Variants in NBAS observed in about 807,000 individuals in gnomAD.
The protein encoded by NBAS is NBAS subunit of NRZ tethering complex, also known as NAG/BC035112 fusion.
A neutral mutation model predicts 302.5 loss-of-function variants in NBAS; 219 were observed. The ratio of observed to expected loss-of-function variants is 0.72; its 90% CI spans 0.65 to 0.81. The LOEUF is 0.81. Ranked by LOEUF, NBAS falls within the 30% of genes least tolerant of loss-of-function variation. The pLI is 0.00. For synonymous variants in NBAS, 1,118 were observed against 1,021.6 expected (o/e 1.09, Z -1.80); for missense variants, 2,932 against 2,841.6 (o/e 1.03, Z -0.72).
At chr2:15,232,873 T>A (rs62121522) in intron 46 of NBAS, among the ~76,000 whole-genome samples, 8 of 146,596 alleles carry the variant, frequency 5.5e-5, no homozygotes, top group South Asian at 2.2e-4. Context: ...TTTTTTTTTT[T>A]AAAAGCACTA....
chr2:15,524,321 G>A (rs1662817974), intron 9 of NBAS, among the ~76,000 whole-genome samples: 1 of 152,170 alleles, frequency 6.6e-6, no homozygotes, highest in Non-Finnish European at 1.5e-5. Flanking sequence ...GTTCCTAACT[G>A]TGCTATGGGG....
At chr2:14,872,476 C>T in the NBAS span, among the ~76,000 whole-genome samples, 2 of 152,140 alleles carry the variant, frequency 1.3e-5, no homozygotes, top group African/African-American at 4.8e-5. Flanking sequence ...CCTCAGCCTC[C>T]CTAATGCGTC....
the NBAS span, among the ~76,000 whole-genome samples, chr2:15,097,664 T>C: frequency 3.3e-5 from 5 of 151,372 alleles, no homozygotes; most frequent in African/African-American, 1.2e-4. Context: ...CTGGGGCCCC[T>C]TTTATGAGGA....
chr2:15,488,870 C>T, intron 12 of NBAS, 24 bp downstream of exon 12: 1 of 1,612,862 alleles, frequency 6.2e-7, no homozygotes, highest in Non-Finnish European at 8.5e-7. Flanking sequence ...AAGAGAGTAT[C>T]ATTCTAATAA....
chr2:14,799,926 T>C, the NBAS span, among the ~76,000 whole-genome samples: 1 of 152,216 alleles, frequency 6.6e-6, no homozygotes, highest in Non-Finnish European at 1.5e-5. Context: ...CATTGTTTTG[T>C]GTTTAACCTA....
chr2:14,842,110 G>C, the NBAS span, among the ~76,000 whole-genome samples: 2 of 151,730 alleles, frequency 1.3e-5, no homozygotes, highest in Non-Finnish European at 2.9e-5. Flanking sequence ...TAAATTAAGA[G>C]GGAAATTTTC....
rs567713848 is a variant in NBAS at position 15,293,410 on chromosome 2, A to T, written c.4798-644T>A. The stretch of plus-strand genomic sequence containing the variant: ...TCTACGATTCTTAGCAGCTTCTCTA[A>T]TAACAAGAAACTCATTCAAATAGAA... On this transcript the variant is annotated intron_variant, in intron 40 of 51. Coordinates refer to ENST00000281513, the MANE Select transcript of NBAS (RefSeq NM_015909.4). Among the ~76,000 whole-genome samples, 639 of 152,292 alleles carry T rather than the reference A, an allele frequency of 4.2e-3. 7 individuals are homozygous for T. The highest frequency in any genetic ancestry group is 0.014 in the African/African-American group (578 of 41,562).
intron 49 of NBAS, among the ~76,000 whole-genome samples, chr2:15,189,183 A>G (rs1665226455): frequency 6.6e-6 from 1 of 152,200 alleles, no homozygotes; most frequent in Non-Finnish European, 1.5e-5. Flanking sequence ...CCTGTTCTTA[A>G]AAACAAGTCA....
the NBAS span, among the ~76,000 whole-genome samples, chr2:15,138,378 C>G: frequency 6.6e-6 from 1 of 152,068 alleles, no homozygotes; most frequent in Non-Finnish European, 1.5e-5. Flanking sequence ...GGTTATGATG[C>G]TTGGAACGGA....
Position 15,274,946 on chromosome 2 carries a change from G to T in NBAS, c.5724+538C>A, listed in dbSNP as rs373678294. ...CACCCAGGTAATTTTTTTTTTTTTG[G>T]TTTTTTTTTTTCTTCTAGTAGAGAT... is the stretch of plus-strand genomic sequence containing the variant. On this transcript the variant is annotated intron_variant, in intron 44 of 51. Coordinates refer to ENST00000281513, the MANE Select transcript of NBAS (RefSeq NM_015909.4). Among the ~76,000 whole-genome samples the T allele has an allele frequency of 2.1e-3, 308 of 145,090 alleles. 3 individuals carry two copies. Among genetic ancestry groups the T allele is most frequent in the East Asian group, 8.0e-4 (4 of 5,008 alleles).
At chr2:14,886,144 C>T in the NBAS span, among the ~76,000 whole-genome samples, 2 of 152,122 alleles carry the variant, frequency 1.3e-5, no homozygotes, top group Non-Finnish European at 2.9e-5. Flanking sequence ...TCAAGATAAG[C>T]TCAGTCTCCA....
At chr2:15,434,650 T>C (rs1677922674) in intron 21 of NBAS, among the ~76,000 whole-genome samples, 1 of 152,230 alleles carries the variant, frequency 6.6e-6, no homozygotes, top group Admixed American at 6.5e-5. Context: ...ATATTTGTAG[T>C]ATTACAGATG....
intron 21 of NBAS, among the ~76,000 whole-genome samples, chr2:15,429,145 A>C (rs1274421757): frequency 6.6e-6 from 1 of 152,174 alleles, no homozygotes; most frequent in Non-Finnish European, 1.5e-5. Flanking sequence ...ACAGAAACAA[A>C]TCTGTCTCTT....
chr2:14,917,451 T>C, the NBAS span, among the ~76,000 whole-genome samples: 1 of 152,254 alleles, frequency 6.6e-6, no homozygotes, highest in African/African-American at 2.4e-5. Context: ...GGAAGTCACA[T>C]ACTTTTGTAA....
intron 46 of NBAS, 51 bp from the exon 47 acceptor site, chr2:15,232,562 A>T: frequency 6.4e-7 from 1 of 1,557,942 alleles, no homozygotes; most frequent in South Asian, 1.1e-5. Context: ...CAAGTCTCAG[A>T]AATAAACTTG....
At chr2:15,390,991 T>C (rs1156723435) in intron 28 of NBAS, among the ~76,000 whole-genome samples, 3 of 151,902 alleles carry the variant, frequency 2.0e-5, no homozygotes, top group Non-Finnish European at 2.9e-5. Context: ...GTGCCTGTAA[T>C]CCTAGCTACT....
the NBAS span, among the ~76,000 whole-genome samples, chr2:14,949,916 G>A: frequency 3.3e-5 from 5 of 152,198 alleles, no homozygotes; most frequent in African/African-American, 9.6e-5. Context: ...TGAAAAGGAA[G>A]AGAAGTTGAT....
At chr2:15,194,099 A>C (rs1346712545) in intron 48 of NBAS, among the ~76,000 whole-genome samples, 4 of 152,168 alleles carry the variant, frequency 2.6e-5, no homozygotes, top group African/African-American at 9.7e-5. Context: ...ATTTGCAGTC[A>C]GAATCCCACA....
intron 9 of NBAS, among the ~76,000 whole-genome samples, chr2:15,523,529 G>T (rs542453794): frequency 1.3e-5 from 2 of 152,170 alleles, no homozygotes; most frequent in Non-Finnish European, 2.9e-5. Context: ...CTTCACATCA[G>T]GGACTTGAGC....
Sources: allele counts gnomAD v4.1 joint callset (sites outside exome capture counted in the v4.1 genomes callset), GRCh38; gene constraint gnomAD v4.1.1; transcripts MANE v1.5; gene names NCBI Gene and HGNC (gene_info 2026-07-23, HGNC 2026-07-21).